Variants in PRR5 observed in about 807,000 individuals in gnomAD.
PRR5 encodes the protein proline-rich protein 5.
PRR5 carries 25 observed loss-of-function variants against 30.6 expected under a neutral mutation model. That is an observed-to-expected ratio of 0.82 (90% confidence interval 0.60 to 1.14). PRR5 has a LOEUF of 1.14. Ranked by LOEUF, PRR5 falls within the 50% of genes most tolerant of loss-of-function variation. The probability of loss-of-function intolerance (pLI) is 0.00; values close to 1 mark genes in which losing one functional copy is unlikely to be tolerated. For missense variants in PRR5, 600 were observed against 547.1 expected (o/e 1.10, Z -0.96); for synonymous variants, 286 against 247.1 (o/e 1.16, Z -1.48).
chr22:44,689,233 C>T (rs185198256), intron 1 of PRR5, among the ~76,000 whole-genome samples: 269 of 152,214 alleles, frequency 1.8e-3, no homozygotes, highest in Non-Finnish European at 3.4e-3. Flanking sequence ...GGGACCTTAC[C>T]GGATCCTGCC....
chr22:44,733,258 T>C (rs553926830), intron 6 of PRR5, among the ~76,000 whole-genome samples: 2 of 152,212 alleles, frequency 1.3e-5, no homozygotes, highest in East Asian at 1.9e-4. Flanking sequence ...CACCACACTT[T>C]GCAGTTGGCC....
chr22:44,682,521 A>T (rs552127019), intron 1 of PRR5, among the ~76,000 whole-genome samples: 2 of 152,112 alleles, frequency 1.3e-5, no homozygotes, highest in Admixed American at 1.3e-4. Context: ...CCTGCGCCTC[A>T]CACTCTGCCT....
chr22:44,668,961 C>T (rs1473499860), intron 1 of PRR5, among the ~76,000 whole-genome samples: 2 of 149,860 alleles, frequency 1.3e-5, no homozygotes, highest in East Asian at 4.0e-4. Flanking sequence ...TGCGCGCGCG[C>T]GCGACGCCGA....
chr22:44,730,219 G>T, intron 4 of PRR5: 1 of 985,284 alleles, frequency 1.0e-6, no homozygotes, highest in Non-Finnish European at 1.2e-6. Context: ...TTCAGCCTCC[G>T]CATTCCCATG....
intron 1 of PRR5, among the ~76,000 whole-genome samples, chr22:44,704,849 A>G (rs1190259289): frequency 6.6e-6 from 1 of 152,140 alleles, no homozygotes; most frequent in Non-Finnish European, 1.5e-5. Flanking sequence ...GATGGAGCCA[A>G]GAGAAGGCAA....
intron 1 of PRR5, among the ~76,000 whole-genome samples, chr22:44,687,024 C>T (rs916815871): frequency 3.9e-5 from 6 of 152,156 alleles, no homozygotes; most frequent in African/African-American, 1.4e-4. Context: ...GTGGTGTTTG[C>T]TTGTCCCTCC....
intron 1 of PRR5, among the ~76,000 whole-genome samples, chr22:44,687,011 T>C (rs1248649354): frequency 6.6e-6 from 1 of 152,228 alleles, no homozygotes; most frequent in Non-Finnish European, 1.5e-5. Context: ...CCTTCTGGTA[T>C]GTGTGGTGTT....
chr22:44,726,742 T>A (rs967511746), intron 4 of PRR5, 108 bp downstream of exon 4: 22 of 1,530,998 alleles, frequency 1.4e-5, no homozygotes, highest in Admixed American at 1.2e-4. Flanking sequence ...TGTGGCTCTC[T>A]GGTCCGGAGG....
chr22:44,669,486 G>A (rs1923299134), intron 1 of PRR5, among the ~76,000 whole-genome samples: 1 of 152,184 alleles, frequency 6.6e-6, no homozygotes, highest in Admixed American at 6.5e-5. Flanking sequence ...TCAGAACCTG[G>A]GGAGACACCC....
chr22:44,674,974 C>G (rs112820917), upstream of PRR5, among the ~76,000 whole-genome samples: 68 of 134,032 alleles, frequency 5.1e-4, no homozygotes, highest in African/African-American at 1.8e-3. Context: ...AGAGGCTGGG[C>G]GCGGTGGCTC....
upstream of PRR5, among the ~76,000 whole-genome samples, chr22:44,676,019 C>T (rs1368148816): frequency 6.6e-6 from 1 of 151,704 alleles, no homozygotes; most frequent in Non-Finnish European, 1.5e-5. Context: ...ATCCTTAGCT[C>T]CATTGTAGAA....
chr22:44,736,141 T>G (rs550202624), intron 7 of PRR5, among the ~76,000 whole-genome samples: 87 of 152,224 alleles, frequency 5.7e-4, no homozygotes, highest in African/African-American at 1.9e-3. Flanking sequence ...AGGGGCCTCC[T>G]CCCTGGGTCC....
intron 2 of PRR5, among the ~76,000 whole-genome samples, chr22:44,721,518 C>T (rs1180304529): frequency 2.6e-5 from 4 of 152,134 alleles, no homozygotes; most frequent in South Asian, 2.1e-4. Flanking sequence ...TGGTAGGGGA[C>T]GAATCAGAGG....
At position 44,731,807 on chromosome 22, in the gene PRR5, T is replaced by A; in HGVS notation, c.400T>A (p.Phe134Ile). The A allele has an allele frequency of 6.2e-7, 1 of 1,613,342 alleles. No homozygotes were observed. Among genetic ancestry groups the A allele is most frequent in the Non-Finnish European group, 8.5e-7 (1 of 1,179,964 alleles). ...CGTGCTGCCCATGCTGCAGGCCATC[T>A]TCTACCCGGTGCAGGTGGGCAGCCC... Reference protein sequence around the residue: ...SDVLPMLQAIFYPVQGKEPSV... With the variant: ...SDVLPMLQAIIYPVQGKEPSV... The change falls in exon 5 of 8, where the codon TTC becomes ATC. Residue 134 changes from phenylalanine to isoleucine, a missense_variant. By Grantham distance (21) the Phe-to-Ile change is conservative (BLOSUM62 0). Transcript: ENST00000336985.
intron 1 of PRR5, among the ~76,000 whole-genome samples, chr22:44,714,251 G>A (rs1036117015): frequency 6.6e-6 from 1 of 152,218 alleles, no homozygotes; most frequent in African/African-American, 2.4e-5. Flanking sequence ...TGTGTTGGGG[G>A]GTGGGAGAGG....
chr22:44,671,857 G>A (rs1923446722), intron 1 of PRR5, among the ~76,000 whole-genome samples: 1 of 152,220 alleles, frequency 6.6e-6, no homozygotes, highest in Admixed American at 6.5e-5. Context: ...AGGCTGCTGT[G>A]AGAGTTAAGC....
chr22:44,676,412 AAAAG>A (rs1184345770), upstream of PRR5, among the ~76,000 whole-genome samples: 24 of 148,546 alleles, frequency 1.6e-4, no homozygotes, highest in African/African-American at 3.5e-4. Flanking sequence ...AAAAAAAAAA[AAAAG>A]AAAGAAAGAA....
chr22:44,681,624 T>G (rs374281796), intron 1 of PRR5, among the ~76,000 whole-genome samples: 16 of 152,088 alleles, frequency 1.1e-4, no homozygotes, highest in Middle Eastern at 3.4e-3. Flanking sequence ...GAAACATCCC[T>G]TTTTGAAGAG....
At chr22:44,673,355 G>A (rs12484158), upstream of PRR5, among the ~76,000 whole-genome samples, 18,742 of 152,274 alleles carry the variant, frequency 0.12, 1,526 homozygotes, top group Middle Eastern at 0.19. Context: ...GTAGGCGAAA[G>A]CTGCCAAATA....
Sources: allele counts gnomAD v4.1 joint callset (sites outside exome capture counted in the v4.1 genomes callset), GRCh38; gene constraint gnomAD v4.1.1; transcripts MANE v1.5; gene names NCBI Gene and HGNC (gene_info 2026-07-23, HGNC 2026-07-21).